The following ENPP3 variants were observed in gnomAD, a reference collection of about 807,000 sequenced individuals.
ENPP3 encodes the protein ectonucleotide pyrophosphatase/phosphodiesterase 3.
Under a neutral mutation model 117.8 loss-of-function variants are expected in ENPP3, and 104 were observed. That is an observed-to-expected ratio of 0.88 (90% CI 0.75 to 1.04). The LOEUF is 1.04. Ranked by LOEUF, ENPP3 falls within the 50% of genes least tolerant of loss-of-function variation. The pLI is 0.00. For missense variants in ENPP3, 1,026 were observed against 1,051.9 expected (o/e 0.98, Z 0.34); for synonymous variants, 380 against 349.9 (o/e 1.09, Z -0.96).
chr6:131,662,305 T>C (rs1056910309), intron 6 of ENPP3, among the ~76,000 whole-genome samples: 1 of 152,110 alleles, frequency 6.6e-6, no homozygotes, highest in Non-Finnish European at 1.5e-5. Flanking sequence ...AGTGTGATGG[T>C]GTGATCTCAG....
intron 6 of ENPP3, among the ~76,000 whole-genome samples, chr6:131,665,494 A>G (rs1778598494): frequency 6.6e-6 from 1 of 152,126 alleles, no homozygotes; most frequent in South Asian, 2.1e-4. Context: ...CTATGAATTT[A>G]TCCATTTCTA....
intron 15 of ENPP3, chr6:131,700,861 A>G: frequency 8.9e-7 from 1 of 1,125,750 alleles, no homozygotes; most frequent in South Asian, 1.4e-5. Flanking sequence ...AGAACAGCCA[A>G]GATTTCACAA....
chr6:131,653,004 C>A, intron 5 of ENPP3, 113 bp downstream of exon 5: 1 of 656,768 alleles, frequency 1.5e-6, no homozygotes, highest in Non-Finnish European at 2.7e-6. Flanking sequence ...CATTTCAAAA[C>A]AGAATAGTCC....
chr6:131,743,876 T>G (rs1355856696), intron 24 of ENPP3, among the ~76,000 whole-genome samples: 1 of 148,530 alleles, frequency 6.7e-6, no homozygotes, highest in Non-Finnish European at 1.5e-5. Context: ...AGAGTGAAAT[T>G]GAATCTCCTA....
intron 5 of ENPP3, among the ~76,000 whole-genome samples, chr6:131,656,723 G>A (rs1433335750): frequency 6.6e-6 from 1 of 151,314 alleles, no homozygotes; most frequent in East Asian, 1.9e-4. Flanking sequence ...GCAGAGATCA[G>A]GCCACTGCAC....
At position 131,693,526 on chromosome 6, in the gene ENPP3, C is replaced by T. The variant is rs1304744972; in HGVS notation, c.1314C>T (p.Pro438=). The change falls in exon 15 of 25, where the codon CCC becomes CCT. Residue 438 remains proline, a synonymous_variant. Coordinates refer to ENST00000357639, the MANE Select transcript of ENPP3 (RefSeq NM_005021.5). ...SCRKPDQHFK[P]YLTPDLPKRL... ...GAAAACCTGATCAGCATTTCAAGCC[C>T]TATTTGACTCCTGATTTGCCAAAGC... is the stretch of plus-strand genomic sequence containing the variant. 2.5e-6 allele frequency: 4 copies of T among 1,612,886 alleles called. No homozygotes were observed. Among genetic ancestry groups the T allele is most frequent in the Admixed American group, 3.3e-5 (2 of 59,866 alleles).
chr6:131,720,986 C>G (rs893718560), intron 17 of ENPP3, among the ~76,000 whole-genome samples: 1 of 152,094 alleles, frequency 6.6e-6, no homozygotes, highest in South Asian at 2.1e-4. Flanking sequence ...ATACTTCCAA[C>G]TTTTCAAAGC....
At chr6:131,734,713 A>C (rs560561945) in intron 21 of ENPP3, among the ~76,000 whole-genome samples, 156 of 152,060 alleles carry the variant, frequency 1.0e-3, no homozygotes, top group Middle Eastern at 6.8e-3. Flanking sequence ...CCTGGCCAAC[A>C]TGGTGAAACC....
intron 21 of ENPP3, among the ~76,000 whole-genome samples, chr6:131,734,901 A>C (rs1193817647): frequency 2.6e-5 from 3 of 114,982 alleles, no homozygotes; most frequent in African/African-American, 3.5e-5. Flanking sequence ...CTCTGTCTCA[A>C]AAAAAAAAAA....
chr6:131,717,530 G>T (rs1779925021), intron 15 of ENPP3, among the ~76,000 whole-genome samples: 1 of 151,840 alleles, frequency 6.6e-6, no homozygotes, highest in Non-Finnish European at 1.5e-5. Flanking sequence ...TAACATTGTT[G>T]CTTTAAAAGA....
At chr6:131,720,059 A>G (rs1193326434) in intron 16 of ENPP3, among the ~76,000 whole-genome samples, 5 of 152,152 alleles carry the variant, frequency 3.3e-5, no homozygotes, top group South Asian at 2.1e-4. Context: ...ATGAGGTGCT[A>G]TGGAGGTGGG....
chr6:131,742,652 A>AGCCT (rs1780551438), intron 24 of ENPP3, among the ~76,000 whole-genome samples: 2 of 152,146 alleles, frequency 1.3e-5, no homozygotes, highest in Non-Finnish European at 2.9e-5. Context: ...AACAACTTCC[A>AGCCT]GCCTGTACTT....
intron 17 of ENPP3, among the ~76,000 whole-genome samples, chr6:131,721,091 G>T (rs1780009853): frequency 2.6e-5 from 4 of 152,182 alleles, no homozygotes; most frequent in Non-Finnish European, 5.9e-5. Context: ...TAGCTGGATA[G>T]ACACTTGTTA....
chr6:131,731,282 A>G (rs1001406040), intron 20 of ENPP3, among the ~76,000 whole-genome samples: 5 of 152,204 alleles, frequency 3.3e-5, no homozygotes, highest in African/African-American at 1.2e-4. Context: ...GCACTAAACT[A>G]TATGGCTGGG....
At chr6:131,650,547 C>G (rs1406596316) in intron 3 of ENPP3, among the ~76,000 whole-genome samples, 1 of 152,138 alleles carries the variant, frequency 6.6e-6, no homozygotes, top group Non-Finnish European at 1.5e-5. Flanking sequence ...CACCTACATA[C>G]CTTGTGTATT....
At chr6:131,739,593 CTTT>C (rs71270397) in intron 23 of ENPP3, among the ~76,000 whole-genome samples, 1,313 of 87,394 alleles carry the variant, frequency 0.015, 7 homozygotes, top group African/African-American at 0.056. Flanking sequence ...TCATGCTCTG[CTTT>C]TTTTTTTTTT....
At chr6:131,721,643 G>A (rs1780035305) in intron 17 of ENPP3, among the ~76,000 whole-genome samples, 1 of 149,950 alleles carries the variant, frequency 6.7e-6, no homozygotes, top group Admixed American at 6.6e-5. Context: ...ATGAAGAAAA[G>A]CTCTCCTAAT....
At chr6:131,650,211 A>AT in intron 3 of ENPP3, 62 bp downstream of exon 3, 3 of 1,586,538 alleles carry the variant, frequency 1.9e-6, no homozygotes, top group South Asian at 1.1e-5. Context: ...TACATGTCAA[A>AT]TTTTTTTCTT....
In ENPP3 at chr6:131,652,768, G is replaced by C. The variant is rs1318497384; in HGVS notation, c.404-63G>C. The C allele has an allele frequency of 7.6e-6, 12 of 1,589,054 alleles. No homozygotes were observed. In the South Asian group the frequency reaches 1.0e-4, roughly 13 times the overall value. On this transcript the variant is annotated intron_variant, in intron 4 of 24. Coordinates refer to ENST00000357639, the MANE Select transcript of ENPP3 (RefSeq NM_005021.5). The stretch of plus-strand genomic sequence containing the variant: ...GCTGCAAAAATCAAAACACATCGGA[G>C]AATCTTTAGTTACTCTGTCTGTGCT...
Sources: allele counts gnomAD v4.1 joint callset (sites outside exome capture counted in the v4.1 genomes callset), GRCh38; gene constraint gnomAD v4.1.1; transcripts MANE v1.5; gene names NCBI Gene and HGNC (gene_info 2026-07-23, HGNC 2026-07-21).